SCART1: variants seen among roughly 807,000 people sequenced by gnomAD.
SCART1 encodes the protein scavenger receptor cysteine-rich domain-containing protein SCART1.
Under a neutral mutation model 36.2 loss-of-function variants are expected in SCART1, and 62 were observed. The ratio of observed to expected loss-of-function variants is 1.71; its 90% CI spans 1.40 to 2.12. The LOEUF is 2.12. Among genes scored for constraint, SCART1 ranks in the 30% most tolerant of loss-of-function variants. SCART1 has a pLI of 0.00. For missense variants in SCART1, 1,041 were observed against 540.5 expected, an observed-to-expected ratio of 1.93 and a Z score of -9.18; for synonymous variants, 487 against 238.7, an observed-to-expected ratio of 2.04 and a Z score of -9.59.
exon 9 of SCART1, chr10:133,465,537 CGAG>C: frequency 1.9e-6 from 1 of 527,028 alleles, no homozygotes. Context: ...ACCGCGCGCA[CGAG>C]GAGGACGCGG....
intron 9 of SCART1, chr10:133,465,887 T>G: frequency 1.5e-6 from 1 of 682,286 alleles, no homozygotes; most frequent in Non-Finnish European, 2.7e-6. Context: ...AACAAACAGT[T>G]AACCACAGTG....
At position 133,464,919 on chromosome 10, in the gene SCART1, T is replaced by C. The variant is rs1315906851; in HGVS notation, c.2275+8T>C. 2 of 702,854 alleles carry C rather than the reference T, an allele frequency of 2.8e-6. No homozygotes were observed. Among genetic ancestry groups the C allele is most frequent in the East Asian group, 5.4e-5 (2 of 37,260 alleles). 43.5% of individuals were successfully genotyped at this position (702,854 alleles called of 1,614,324 possible). A position where few individuals can be genotyped will look rare whatever the true frequency, so the allele number is the denominator to read the frequency against. On this transcript the variant is annotated splice_region_variant and intron_variant, in intron 7 of 11. Transcript: ENST00000640237. The stretch of plus-strand genomic sequence containing the variant: ...TGCGACCTTCGAGAGCAGGTCTGGA[T>C]TACCTGTGCAGGTGGGCATTAGAGG...
chr10:133,467,206 A>G, exon 11 of SCART1: 2 of 699,398 alleles, frequency 2.9e-6, no homozygotes, highest in East Asian at 5.4e-5. Flanking sequence ...AGGTCTGGGA[A>G]GATCCGAGGT....
intron 6 of SCART1, among the ~76,000 whole-genome samples, chr10:133,461,209 C>T (rs1440720830): frequency 2.0e-5 from 3 of 152,056 alleles, no homozygotes; most frequent in Admixed American, 6.5e-5. Flanking sequence ...GAGTGGGTCA[C>T]GGGCTGCCCA....
At chr10:133,464,609 C>T (rs759443779) in exon 7 of SCART1, 24 of 648,864 alleles carry the variant, frequency 3.7e-5, no homozygotes, top group Non-Finnish European at 4.8e-5. Context: ...CTTGCAGAGT[C>T]GGTGGCTCTG....
chr10:133,460,525 A>ATATTTAT (rs1554896753), intron 6 of SCART1, among the ~76,000 whole-genome samples: 1 of 134,340 alleles, frequency 7.4e-6, no homozygotes, highest in Non-Finnish European at 1.6e-5. Flanking sequence ...ATTTATTTAA[A>ATATTTAT]TATTTATTTA....
intron 6 of SCART1, 53 bp downstream of exon 6, chr10:133,460,223 T>G (rs1264774424): frequency 2.3e-6 from 1 of 427,956 alleles, no homozygotes; most frequent in African/African-American, 2.0e-5. Flanking sequence ...CGTACAGTCA[T>G]GCGCACTTGC....
intron 6 of SCART1, among the ~76,000 whole-genome samples, chr10:133,463,705 C>T (rs1436624161): frequency 6.6e-6 from 1 of 151,956 alleles, no homozygotes; most frequent in Non-Finnish European, 1.5e-5. Context: ...TTTAAATTGA[C>T]AATCTTTGTA....
At chr10:133,469,632 C>T (rs898330607), downstream of SCART1, among the ~76,000 whole-genome samples, 4 of 152,238 alleles carry the variant, frequency 2.6e-5, no homozygotes, top group South Asian at 4.1e-4. Context: ...TGAGGAGAAA[C>T]ACCTAAGGTA....
intron 3 of SCART1, 63 bp from the exon 4 acceptor site, chr10:133,458,297 C>T (rs534380094): frequency 5.8e-5 from 41 of 702,204 alleles, no homozygotes; most frequent in African/African-American, 4.5e-4. Context: ...CAGTCTGAGG[C>T]TCAGGGCCAG....
chr10:133,463,414 C>T (rs1256082756), intron 6 of SCART1, among the ~76,000 whole-genome samples: 9 of 151,990 alleles, frequency 5.9e-5, no homozygotes, highest in Admixed American at 5.9e-4. Context: ...TTTATTCATC[C>T]TGCACAGTTG....
chr10:133,460,157 C>T (rs1202549728), exon 6 of SCART1: 4 of 505,498 alleles, frequency 7.9e-6, no homozygotes, highest in Non-Finnish European at 1.4e-5. Context: ...AGGACGCCGG[C>T]GTCTTCTGCT....
At chr10:133,455,840 A>G (rs565528950) in intron 1 of SCART1, among the ~76,000 whole-genome samples, 22 of 152,164 alleles carry the variant, frequency 1.4e-4, no homozygotes, top group South Asian at 4.1e-4. Context: ...GGGTGTGGAC[A>G]GTCACGTGGG....
At chr10:133,467,521 A>C (rs1043540337) in intron 11 of SCART1, among the ~76,000 whole-genome samples, 168 bp downstream of exon 11, 1 of 152,094 alleles carries the variant, frequency 6.6e-6, no homozygotes, top group African/African-American at 2.4e-5. Flanking sequence ...GCAGGGCCAC[A>C]CCCATGAGGG....
Position 133,457,282 on chromosome 10 carries a change from G to GCACTTTC in SCART1, c.391_397dup (p.Arg133HisfsTer124). On this transcript the variant is annotated frameshift_variant, in exon 3 of 12. Coordinates refer to ENST00000640237, the Ensembl canonical transcript of SCART1. LOFTEE classifies it high-confidence loss of function. ...AGGACCGGCCTGTGCTCCACAGACG[G>GCACTTTC]CACTTTCCGGGAGCTCCGGCTGGTG... The GCACTTTC allele has an allele frequency of 1.4e-6, 1 of 700,844 alleles. No individual in the cohort carries two copies. The highest frequency in any genetic ancestry group is 2.6e-6 in the Non-Finnish European group (1 of 384,882). 43.4% of individuals were successfully genotyped at this position (700,844 alleles called of 1,614,324 possible).
At chr10:133,459,849 C>T in exon 6 of SCART1, 1 of 565,472 alleles carries the variant, frequency 1.8e-6, no homozygotes, top group Non-Finnish European at 3.1e-6. Flanking sequence ...CCACGGGATC[C>T]CGGGCGCCCT....
downstream of SCART1, chr10:133,469,313 T>C (rs1176713806): frequency 6.6e-6 from 1 of 152,204 alleles, no homozygotes; most frequent in Admixed American, 6.5e-5. Context: ...GCAAAAATTT[T>C]CTCCCATCCC....
chr10:133,462,366 T>G (rs1850712302), intron 6 of SCART1, among the ~76,000 whole-genome samples: 1 of 152,216 alleles, frequency 6.6e-6, no homozygotes, highest in African/African-American at 2.4e-5. Context: ...TTTCTAGACA[T>G]AGGTAGAAGA....
intron 3 of SCART1, chr10:133,458,124 G>A: frequency 2.9e-6 from 2 of 688,548 alleles, no homozygotes; most frequent in South Asian, 3.0e-5. Flanking sequence ...AAATACGTGA[G>A]CACCTGCAGC....
Sources: gnomAD v4.1 joint callset for allele counts (sites outside exome capture counted in the v4.1 genomes callset) on GRCh38, gnomAD v4.1.1 for gene constraint, MANE v1.5 for transcripts, NCBI Gene and HGNC (gene_info 2026-07-23, HGNC 2026-07-21) for gene names.